CUBN: variants seen among roughly 807,000 people sequenced by gnomAD.
CUBN encodes cubilin, also known as 460 kDa receptor.
Under a neutral mutation model 405.3 loss-of-function variants are expected in CUBN, and 282 were observed. The observed-to-expected ratio is 0.70, with a 90% CI of 0.63 to 0.77. CUBN has a LOEUF of 0.77. CUBN is among the 30% of genes least tolerant of loss of function. The pLI, the probability that CUBN is intolerant of heterozygous loss-of-function variation, is 0.00. For synonymous variants in CUBN, 1,684 were observed against 1,617.0 expected (o/e 1.04, Z -0.99); for missense variants, 4,514 against 4,475.2 (o/e 1.01, Z -0.25).
chr10:16,883,029 GA>G (rs1320611609), intron 56 of CUBN, among the ~76,000 whole-genome samples: 1 of 145,608 alleles, frequency 6.9e-6, no homozygotes, highest in Non-Finnish European at 1.5e-5. Context: ...GAAAAGAAAA[GA>G]AAGGAAGGAA....
In CUBN at chr10:16,869,867, C is replaced by T. The variant is rs773886275; in HGVS notation, c.9237-14G>A. The T allele has an allele frequency of 2.6e-6, 4 of 1,530,794 alleles. No individual in the cohort carries two copies. The South Asian group carries it at 3.4e-5, about 13-fold the overall frequency. The allele number at this position is 1,530,794 out of a possible 1,614,324, so 94.8% of individuals were successfully genotyped here. On this transcript the variant is annotated splice_polypyrimidine_tract_variant and intron_variant, in intron 58 of 66. Coordinates refer to ENST00000377833, the MANE Select transcript of CUBN (RefSeq NM_001081.4). Reference sequence around the variant, plus strand: ...AAATCACTGAACCTGTGAAATGTACCTTGTTAATACTGATGTTTCCATTTG... The same window carrying T: ...AAATCACTGAACCTGTGAAATGTACTTTGTTAATACTGATGTTTCCATTTG...
chr10:16,828,757 A>T (rs1205708086), intron 66 of CUBN, 48 bp downstream of exon 66: 16 of 1,421,950 alleles, frequency 1.1e-5, no homozygotes, highest in African/African-American at 1.4e-5. Flanking sequence ...GTGACTCATT[A>T]TTGTCTAAAA....
At position 17,045,116 on chromosome 10, in the gene CUBN, C is replaced by A; in HGVS notation, c.3563G>T (p.Ser1188Ile). 6.2e-7 allele frequency: 1 copy of A among 1,614,010 alleles called. No homozygotes were observed. The highest frequency in any genetic ancestry group is 1.1e-5 in the South Asian group (1 of 91,078). ...SPNYPMPYYH[S>I]SECYWWLKSS... is the part of the protein sequence containing the mutation. Reference sequence around the variant, plus strand: ...TTTCAACCACCAGTAGCATTCAGAGCTGTGGTAATAGGGCATCGGGTAGTT... The same window carrying A: ...TTTCAACCACCAGTAGCATTCAGAGATGTGGTAATAGGGCATCGGGTAGTT... Residue 1188 changes from serine to isoleucine, a missense_variant, in exon 25 of 67, where the codon AGC becomes ATC. Ser to Ile is a moderately radical substitution (Grantham distance 142). This residue lies in a region of CUBN where 242 missense variants were observed against 309.0 expected (regional missense o/e 0.78). Transcript: ENST00000377833.
intron 56 of CUBN, among the ~76,000 whole-genome samples, chr10:16,878,242 C>A (rs527560146): frequency 1.3e-5 from 2 of 152,030 alleles, no homozygotes; most frequent in Non-Finnish European, 2.9e-5. Context: ...GAGCTGAGAT[C>A]GCGCCACTTC....
chr10:16,847,154 G>A (rs901254227), intron 60 of CUBN, among the ~76,000 whole-genome samples: 4 of 152,032 alleles, frequency 2.6e-5, no homozygotes, highest in South Asian at 2.1e-4. Flanking sequence ...AAAAATGTCC[G>A]TTATTTAAAT....
chr10:16,946,946 CA>C (rs1055738549), intron 36 of CUBN, among the ~76,000 whole-genome samples: 13 of 149,860 alleles, frequency 8.7e-5, no homozygotes, highest in South Asian at 4.2e-4. Flanking sequence ...TGTCTAATTC[CA>C]AAAAAAAAGA....
intron 16 of CUBN, among the ~76,000 whole-genome samples, 186 bp downstream of exon 16, chr10:17,085,411 G>A (rs1233406003): frequency 6.6e-6 from 1 of 152,130 alleles, no homozygotes. Context: ...GGGTATTGCA[G>A]TATTAATAAT....
intron 28 of CUBN, among the ~76,000 whole-genome samples, chr10:17,009,319 G>A (rs1311977349): frequency 1.3e-5 from 2 of 152,184 alleles, no homozygotes; most frequent in African/African-American, 4.8e-5. Context: ...TAGTAAACAG[G>A]AAAGCAGAAT....
chr10:16,975,089 T>A (rs10904858), intron 31 of CUBN, among the ~76,000 whole-genome samples: 30 of 151,996 alleles, frequency 2.0e-4, no homozygotes, highest in Non-Finnish European at 3.7e-4. Flanking sequence ...AGGGGGCCAA[T>A]GACCCTAATC....
At chr10:17,007,151 G>A (rs1362707348) in intron 28 of CUBN, among the ~76,000 whole-genome samples, 1 of 152,166 alleles carries the variant, frequency 6.6e-6, no homozygotes, top group Non-Finnish European at 1.5e-5. Flanking sequence ...ACAGCCTGCG[G>A]AAACTTCTGT....
chr10:16,969,237 AATTCATTTATTCAGCT>A (rs1052511204), intron 31 of CUBN, among the ~76,000 whole-genome samples: 11 of 133,532 alleles, frequency 8.2e-5, no homozygotes, highest in Non-Finnish European at 1.9e-4. Flanking sequence ...AGATGACAAA[AATTCATTTATTCAGCT>A]ATGCATCTAT....
intron 6 of CUBN, among the ~76,000 whole-genome samples, chr10:17,116,211 T>C (rs1157730751): frequency 1.3e-5 from 2 of 152,272 alleles, no homozygotes; most frequent in African/African-American, 2.4e-5. Flanking sequence ...TATTACACTA[T>C]GCGTAAGCTA....
rs547481628 is a variant in CUBN at position 16,879,076 on chromosome 10, T to G, written c.8906-1979A>C. Among the ~76,000 whole-genome samples, 4 of 152,332 alleles carry G rather than the reference T, an allele frequency of 2.6e-5. No homozygotes were observed. The South Asian group carries it at 8.3e-4, about 32-fold the overall frequency. ...CATGCTTTCAGTTCCTTTGGGTATA[T>G]AAATGGGAGTGAAATTATTAGCCCC... On this transcript the variant is annotated intron_variant, in intron 56 of 66. Coordinates refer to ENST00000377833, the MANE Select transcript of CUBN (RefSeq NM_001081.4).
At chr10:17,031,194 C>T (rs991661435) in intron 27 of CUBN, among the ~76,000 whole-genome samples, 2 of 152,098 alleles carry the variant, frequency 1.3e-5, no homozygotes, top group African/African-American at 4.8e-5. Flanking sequence ...AGGCAGAAAA[C>T]AAGAGGAAAA....
intron 28 of CUBN, among the ~76,000 whole-genome samples, chr10:17,014,013 A>G (rs1448907036): frequency 1.3e-5 from 2 of 152,310 alleles, no homozygotes; most frequent in East Asian, 3.9e-4. Flanking sequence ...AGGGCCGTGC[A>G]TGTACGTATC....
intron 27 of CUBN, among the ~76,000 whole-genome samples, chr10:17,037,331 A>C (rs1167711753): frequency 6.6e-6 from 1 of 152,230 alleles, no homozygotes; most frequent in African/African-American, 2.4e-5. Flanking sequence ...TAGGGAGGTC[A>C]TGATGTGTTG....
intron 8 of CUBN, among the ~76,000 whole-genome samples, chr10:17,112,530 T>G (rs1454098437): frequency 6.6e-6 from 1 of 152,178 alleles, no homozygotes; most frequent in Non-Finnish European, 1.5e-5. Context: ...GCCAATCTTC[T>G]AATTTAAATA....
chr10:16,847,861 C>T (rs1354220197), intron 60 of CUBN, among the ~76,000 whole-genome samples: 2 of 151,960 alleles, frequency 1.3e-5, no homozygotes, highest in Non-Finnish European at 2.9e-5. Context: ...GTTAAATTAG[C>T]TTTTCTAAAA....
chr10:16,886,585 T>A (rs1410723029), intron 56 of CUBN, among the ~76,000 whole-genome samples: 1 of 152,138 alleles, frequency 6.6e-6, no homozygotes, highest in East Asian at 1.9e-4. Context: ...GTGTCTATTG[T>A]CAGTCAAAGC....
Sources: allele counts gnomAD v4.1 joint callset (sites outside exome capture counted in the v4.1 genomes callset), GRCh38; gene constraint gnomAD v4.1.1; regional missense constraint gnomAD v4.1.1; transcripts MANE v1.5; gene names NCBI Gene and HGNC (gene_info 2026-07-23, HGNC 2026-07-21).